Variants in KDM7A observed in about 807,000 individuals in gnomAD.
KDM7A encodes lysine demethylase 7A.
KDM7A carries 28 observed loss-of-function variants against 114.8 expected under a neutral mutation model. The observed-to-expected ratio is 0.24, with a 90% CI of 0.18 to 0.33. The LOEUF is 0.33. Among genes scored for constraint, KDM7A ranks in the 10% least tolerant of loss-of-function variants. The pLI, the probability that KDM7A is intolerant of heterozygous loss-of-function variation, is 1.00. For missense variants in KDM7A, 942 were observed against 1,142.5 expected, an observed-to-expected ratio of 0.82 and a Z score of 2.53; for synonymous variants, 423 against 397.8, an observed-to-expected ratio of 1.06 and a Z score of -0.75.
chr7:140,165,726 G>A (rs1238558177), intron 1 of KDM7A, among the ~76,000 whole-genome samples: 2 of 152,044 alleles, frequency 1.3e-5, no homozygotes, highest in Non-Finnish European at 2.9e-5. Flanking sequence ...TCAGCTAACC[G>A]TTATTTTACT....
chr7:140,087,844 T>G lies in KDM7A; in HGVS notation c.*3250A>C, dbSNP rs1181968917. Reference sequence around the variant, plus strand: ...CATATCTCAGTTGAAACTAAAAAAGTCAGCATGTTTTTTAATGAACAGGTC... The same window carrying G: ...CATATCTCAGTTGAAACTAAAAAAGGCAGCATGTTTTTTAATGAACAGGTC... On this transcript the variant is annotated 3_prime_UTR_variant, in exon 20 of 20. Coordinates refer to ENST00000397560, the MANE Select transcript of KDM7A (RefSeq NM_030647.2). 11 of 152,174 alleles carry G rather than the reference T, an allele frequency of 7.2e-5. No individual in the cohort carries two copies. The highest frequency in any genetic ancestry group is 3.9e-4 in the Admixed American group (6 of 15,272). The allele number at this position is 152,174 out of a possible 1,614,324, so 9.4% of individuals were successfully genotyped here.
At chr7:140,170,014 GAGA>G (rs1428485352) in intron 1 of KDM7A, among the ~76,000 whole-genome samples, 7 of 152,106 alleles carry the variant, frequency 4.6e-5, no homozygotes, top group African/African-American at 1.4e-4. Flanking sequence ...CAATGAAATT[GAGA>G]AGTTCAATAA....
In KDM7A at chr7:140,096,043, T is replaced by A. The variant is rs551994163; in HGVS notation, c.2374+512A>T. Among the ~76,000 whole-genome samples the A allele has an allele frequency of 7.2e-5, 11 of 152,278 alleles. No individual in the cohort carries two copies. The East Asian group carries it at 1.9e-3, about 27-fold the overall frequency. On this transcript the variant is annotated intron_variant, in intron 17 of 19. Transcript: ENST00000397560. ...CCGGTCCTCCTCAGGCTTTTTGGGA[T>A]ACAAACATTTTCTCTAAAGGCACAA...
intron 11 of KDM7A, among the ~76,000 whole-genome samples, chr7:140,104,397 A>G (rs1818290948): frequency 6.6e-6 from 1 of 152,182 alleles, no homozygotes; most frequent in Non-Finnish European, 1.5e-5. Flanking sequence ...TATGTCCTGA[A>G]TGGTACTGCC....
intron 1 of KDM7A, among the ~76,000 whole-genome samples, chr7:140,141,130 G>A (rs1794268087): frequency 6.6e-6 from 1 of 152,094 alleles, no homozygotes; most frequent in African/African-American, 2.4e-5. Flanking sequence ...AAATATTATT[G>A]AGAGACTTTA....
intron 17 of KDM7A, among the ~76,000 whole-genome samples, chr7:140,096,291 G>A (rs945276773): frequency 3.3e-5 from 5 of 152,148 alleles, no homozygotes; most frequent in African/African-American, 1.2e-4. Flanking sequence ...TCTGTAAAAG[G>A]GAAATAATAC....
At chr7:140,173,527 A>C (rs1207000376) in intron 1 of KDM7A, among the ~76,000 whole-genome samples, 2 of 152,136 alleles carry the variant, frequency 1.3e-5, no homozygotes, top group Non-Finnish European at 2.9e-5. Flanking sequence ...ATATATATCA[A>C]AATGCACTGA....
intron 9 of KDM7A, among the ~76,000 whole-genome samples, chr7:140,114,575 C>T (rs1239247288): frequency 1.3e-5 from 2 of 152,228 alleles, no homozygotes; most frequent in African/African-American, 2.4e-5. Context: ...ATTGCAGCCT[C>T]TGCCCAGCCG....
In KDM7A at chr7:140,086,129, A is replaced by G. The variant is rs1817920526; in HGVS notation, c.*4965T>C. On this transcript the variant is annotated 3_prime_UTR_variant, in exon 20 of 20. Coordinates refer to ENST00000397560, the MANE Select transcript of KDM7A (RefSeq NM_030647.2). ...TATGACTACTTTCTGAAAGAAAGAGAAGTGAATTCAGAGTGTCACAGGTCT... is the reference window on the plus strand; with the variant it reads ...TATGACTACTTTCTGAAAGAAAGAGGAGTGAATTCAGAGTGTCACAGGTCT... 1 of 152,324 alleles carries G rather than the reference A, an allele frequency of 6.6e-6. No homozygotes were observed. Among genetic ancestry groups the G allele is most frequent in the Middle Eastern group, 3.4e-3 (1 of 294 alleles). 9.4% of individuals were successfully genotyped at this position (152,324 alleles called of 1,614,324 possible). A position where few individuals can be genotyped will look rare whatever the true frequency, so the allele number is the denominator to read the frequency against.
At chr7:140,123,900 C>G (rs1161412821) in intron 7 of KDM7A, among the ~76,000 whole-genome samples, 1 of 151,848 alleles carries the variant, frequency 6.6e-6, no homozygotes, top group East Asian at 1.9e-4. Context: ...GACACCCGGT[C>G]TCTACTAAAA....
intron 11 of KDM7A, among the ~76,000 whole-genome samples, chr7:140,108,087 G>C (rs554231402): frequency 6.6e-6 from 1 of 151,968 alleles, no homozygotes; most frequent in Non-Finnish European, 1.5e-5. Flanking sequence ...TTGTGCATGC[G>C]TCACATAGTT....
intron 1 of KDM7A, among the ~76,000 whole-genome samples, chr7:140,168,596 G>A (rs1794604221): frequency 6.6e-6 from 1 of 151,804 alleles, no homozygotes; most frequent in Middle Eastern, 3.4e-3. Flanking sequence ...GATGTAGGAG[G>A]CATCAAAATG....
intron 3 of KDM7A, among the ~76,000 whole-genome samples, chr7:140,132,138 TTA>T (rs1025601678): frequency 6.6e-6 from 1 of 152,196 alleles, no homozygotes; most frequent in Non-Finnish European, 1.5e-5. Flanking sequence ...TTCATTCACT[TTA>T]TTTTACACAC....
chr7:140,137,395 G>A (rs1382926710), intron 2 of KDM7A, among the ~76,000 whole-genome samples: 2 of 152,124 alleles, frequency 1.3e-5, no homozygotes, highest in Admixed American at 6.5e-5. Flanking sequence ...GTATTTCATA[G>A]AAGTTAAATT....
rs1007691579 is a variant in KDM7A, at chr7:140,119,056, G to A, written c.1246+57C>T. ...GACTCTTTCTGTCAGGTGGCTATGA[G>A]TGAATTTACAAACAATATGCATCAT... is the stretch of plus-strand genomic sequence containing the variant. On this transcript the variant is annotated intron_variant, in intron 9 of 19. Transcript: ENST00000397560. 4 of 976,768 alleles carry A rather than the reference G, an allele frequency of 4.1e-6. No individual in the cohort carries two copies. The African/African-American group carries it at 4.8e-5, about 12-fold the overall frequency. The allele number at this position is 976,768 out of a possible 1,614,324, so 60.5% of individuals were successfully genotyped here. A position where few individuals can be genotyped will look rare whatever the true frequency, so the allele number is the denominator to read the frequency against.
rs1585145847 is a variant in KDM7A at position 140,113,899 on chromosome 7, G to C, written c.1247-317C>G. On this transcript the variant is annotated intron_variant, in intron 9 of 19. Transcript: ENST00000397560. ...GGCTTCAAGCAGTCCTCCAGCCCTG[G>C]CCTTCCAAAGTGCTGGGATTATAGG... Among the ~76,000 whole-genome samples, 3 of 152,204 alleles carry C rather than the reference G, an allele frequency of 2.0e-5. No individual in the cohort carries two copies. The South Asian group carries it at 6.2e-4, about 32-fold the overall frequency.
chr7:140,165,281 C>T (rs1794561538), intron 1 of KDM7A, among the ~76,000 whole-genome samples: 1 of 152,076 alleles, frequency 6.6e-6, no homozygotes, highest in African/African-American at 2.4e-5. Flanking sequence ...ACTACCAGAG[C>T]CAGTGGTGTT....
intron 1 of KDM7A, among the ~76,000 whole-genome samples, chr7:140,150,983 C>T (rs767717320): frequency 1.6e-3 from 241 of 152,168 alleles, no homozygotes; most frequent in Admixed American, 2.7e-3. Context: ...GCATGAGCCA[C>T]CACACCCAGC....
chr7:140,136,504 G>C (rs1039186403), intron 2 of KDM7A, among the ~76,000 whole-genome samples: 1 of 152,146 alleles, frequency 6.6e-6, no homozygotes, highest in Non-Finnish European at 1.5e-5. Context: ...TTTTGTGTTT[G>C]GATTGCATGT....
Sources: allele counts gnomAD v4.1 joint callset (sites outside exome capture counted in the v4.1 genomes callset), GRCh38; gene constraint gnomAD v4.1.1; transcripts MANE v1.5; gene names NCBI Gene and HGNC (gene_info 2026-07-23, HGNC 2026-07-21).